RGS5: variants seen among roughly 807,000 people sequenced by gnomAD.
The protein encoded by RGS5 is regulator of G protein signaling 5, also known as regulator of G-protein signalling 5.
Under a neutral mutation model 18.9 loss-of-function variants are expected in RGS5, and 20 were observed. The ratio of observed to expected loss-of-function variants is 1.06; its 90% CI spans 0.74 to 1.54. The LOEUF is 1.54. RGS5 is among the 40% of genes most tolerant of loss of function. The probability of loss-of-function intolerance (pLI) is 0.00; values close to 1 mark genes in which losing one functional copy is unlikely to be tolerated. For synonymous variants in RGS5, 57 were observed against 76.2 expected, an observed-to-expected ratio of 0.75 and a Z score of 1.31; for missense variants, 201 against 211.8, an observed-to-expected ratio of 0.95 and a Z score of 0.32.
intron 2 of RGS5, among the ~76,000 whole-genome samples, chr1:163,253,075 A>C (rs1648157803): frequency 6.6e-6 from 1 of 152,170 alleles, no homozygotes; most frequent in South Asian, 2.1e-4. Flanking sequence ...GGGTGTGTTT[A>C]AGTGATCCCT....
At chr1:163,237,828 T>G (rs954103546) in intron 2 of RGS5, 8 of 153,578 alleles carry the variant, frequency 5.2e-5, no homozygotes, top group African/African-American at 1.7e-4. Context: ...AGGATTTGGA[T>G]GAGAAACAAC....
At chr1:163,251,606 T>C (rs1648108484) in intron 2 of RGS5, among the ~76,000 whole-genome samples, 1 of 152,178 alleles carries the variant, frequency 6.6e-6, no homozygotes, top group Non-Finnish European at 1.5e-5. Context: ...CTTTAAATGC[T>C]ATCTGTATGC....
chr1:163,232,419 T>C (rs1647505729), intron 2 of RGS5, among the ~76,000 whole-genome samples: 1 of 152,308 alleles, frequency 6.6e-6, no homozygotes, highest in Admixed American at 6.5e-5. Context: ...AAACTTTTTG[T>C]AGGAGATGTA....
intron 2 of RGS5, among the ~76,000 whole-genome samples, chr1:163,294,756 T>C (rs539621687): frequency 8.5e-4 from 129 of 152,326 alleles, no homozygotes; most frequent in Non-Finnish European, 1.5e-3. Context: ...TTTTTAAACA[T>C]AGGTTCTAAT....
intron 3 of RGS5, among the ~76,000 whole-genome samples, chr1:163,159,076 A>G (rs901317209): frequency 6.6e-6 from 1 of 152,206 alleles, no homozygotes; most frequent in Non-Finnish European, 1.5e-5. Context: ...CACCCGGCTC[A>G]CCGGCAGTCA....
At chr1:163,276,060 T>C (rs1648844945) in intron 2 of RGS5, among the ~76,000 whole-genome samples, 1 of 152,134 alleles carries the variant, frequency 6.6e-6, no homozygotes, top group African/African-American at 2.4e-5. Flanking sequence ...AATGGCGCGA[T>C]CTTGGCTCAC....
chr1:163,180,461 A>T (rs1658765120), intron 1 of RGS5, among the ~76,000 whole-genome samples: 1 of 152,120 alleles, frequency 6.6e-6, no homozygotes, highest in African/African-American at 2.4e-5. Flanking sequence ...TCTCTGTGTT[A>T]ACCACAGTAG....
intron 1 of RGS5, among the ~76,000 whole-genome samples, chr1:163,308,841 C>T (rs1297984113): frequency 2.6e-5 from 4 of 152,166 alleles, no homozygotes; most frequent in Non-Finnish European, 4.4e-5. Flanking sequence ...GGGAATGACA[C>T]AAATTTTTTG....
At chr1:163,288,285 T>G (rs913915087) in intron 2 of RGS5, among the ~76,000 whole-genome samples, 1 of 152,142 alleles carries the variant, frequency 6.6e-6, no homozygotes, top group Non-Finnish European at 1.5e-5. Context: ...CTTCAGGTAG[T>G]TGGGAGAGAG....
chr1:163,236,778 T>C (rs1647632706), intron 2 of RGS5, among the ~76,000 whole-genome samples: 1 of 151,970 alleles, frequency 6.6e-6, no homozygotes, highest in South Asian at 2.1e-4. Context: ...CTGGCCAACA[T>C]GGTGAAAACC....
intron 2 of RGS5, among the ~76,000 whole-genome samples, chr1:163,249,102 A>C (rs1381199675): frequency 1.3e-5 from 2 of 152,216 alleles, no homozygotes; most frequent in Non-Finnish European, 2.9e-5. Flanking sequence ...AAGTTACCCT[A>C]TAGGGCATGA....
chr1:163,224,476 A>C (rs919968854), intron 2 of RGS5, among the ~76,000 whole-genome samples: 1 of 152,214 alleles, frequency 6.6e-6, no homozygotes, highest in Non-Finnish European at 1.5e-5. Context: ...CATAGGTTCC[A>C]TATCTTGGCT....
intron 2 of RGS5, among the ~76,000 whole-genome samples, chr1:163,225,736 C>T (rs912198981): frequency 1.3e-5 from 2 of 152,146 alleles, no homozygotes; most frequent in Non-Finnish European, 2.9e-5. Flanking sequence ...AATAATTTGA[C>T]TATGAAACCA....
intron 2 of RGS5, among the ~76,000 whole-genome samples, chr1:163,226,489 G>C (rs1308275876): frequency 6.6e-6 from 1 of 152,138 alleles, no homozygotes; most frequent in Non-Finnish European, 1.5e-5. Context: ...ACTGATGCTA[G>C]AGTCTCTGGT....
chr1:163,200,455 AG>A (rs1184081840), intron 1 of RGS5, among the ~76,000 whole-genome samples: 1 of 152,144 alleles, frequency 6.6e-6, no homozygotes, highest in African/African-American at 2.4e-5. Context: ...AGAAATGCAA[AG>A]ACAGGAGCCT....
chr1:163,194,777 C>T (rs1659496500), intron 1 of RGS5, among the ~76,000 whole-genome samples: 2 of 151,976 alleles, frequency 1.3e-5, no homozygotes, highest in African/African-American at 4.8e-5. Flanking sequence ...GAGAAAAGAG[C>T]ATTGAAAATA....
At chr1:163,166,790 C>T (rs181362486) in intron 2 of RGS5, among the ~76,000 whole-genome samples, 2 of 152,320 alleles carry the variant, frequency 1.3e-5, no homozygotes, top group Admixed American at 6.5e-5. Flanking sequence ...CCCTTTTAAT[C>T]TCAACAGTTT....
chr1:163,271,407 C>G (rs985983297), intron 2 of RGS5, among the ~76,000 whole-genome samples: 1 of 152,080 alleles, frequency 6.6e-6, no homozygotes. Flanking sequence ...GAGAAAGAGA[C>G]TCGGGCTCGC....
chr1:163,172,313 C>T (rs1438687713), intron 1 of RGS5, among the ~76,000 whole-genome samples: 1 of 152,190 alleles, frequency 6.6e-6, no homozygotes, highest in African/African-American at 2.4e-5. Flanking sequence ...CACAATGTAT[C>T]TCACATTTTC....
Sources: gnomAD v4.1 joint callset for allele counts (sites outside exome capture counted in the v4.1 genomes callset) on GRCh38, gnomAD v4.1.1 for gene constraint, MANE v1.5 for transcripts, NCBI Gene and HGNC (gene_info 2026-07-23, HGNC 2026-07-21) for gene names.